The following TTN variants were observed in gnomAD, a reference collection of about 807,000 sequenced individuals.
TTN encodes titin.
In TTN, 1,525 loss-of-function variants were observed where a neutral mutation model predicts 3,223.0. That is an observed-to-expected ratio of 0.47 (90% CI 0.45 to 0.49). The LOEUF is 0.49. Among genes scored for constraint, TTN ranks in the 20% least tolerant of loss-of-function variants. The pLI, the probability that TTN is intolerant of heterozygous loss-of-function variation, is 0.00. For synonymous variants in TTN, 14,094 were observed against 15,161.0 expected, an observed-to-expected ratio of 0.93 and a Z score of 5.17; for missense variants, 40,786 against 43,424.0, an observed-to-expected ratio of 0.94 and a Z score of 5.40.
rs780403765 is a variant in TTN, at chr2:178,570,292, C to A, written c.75840G>T (p.Met25280Ile). 1.3e-5 allele frequency: 21 copies of A among 1,613,332 alleles called. No individual in the cohort carries two copies. Among genetic ancestry groups the A allele is most frequent in the Non-Finnish European group, 1.8e-5 (21 of 1,179,600 alleles). ...LEGNEYTFRI[M>I]AVNKYGVGEP... ...CACCAACACCATATTTGTTTACTGC[C>A]ATTATACGGAAAGTATATTCATTGC... Residue 25280 changes from methionine to isoleucine, a missense_variant, in exon 326 of 363, where the codon ATG becomes ATT. Coordinates refer to ENST00000589042, the MANE Select transcript of TTN (RefSeq NM_001267550.2).
At position 178,590,604 on chromosome 2, in the gene TTN, G is replaced by A. The variant is rs372969669; in HGVS notation, c.61121C>T (p.Pro20374Leu). Residue 20374 changes from proline to leucine, a missense_variant, in exon 304 of 363, where the codon CCA becomes CTA. Pro to Leu is a moderately conservative substitution (Grantham distance 98). Transcript: ENST00000589042. Reference sequence around the variant, plus strand: ...GTCTTTCAGTTTAGGATTAATAGGTGGTCCAGGTGGTTTGATGGGCCGGCA... The same window carrying A: ...GTCTTTCAGTTTAGGATTAATAGGTAGTCCAGGTGGTTTGATGGGCCGGCA... ...KACRPIKPPG[P>L]PINPKLKDKS... 2 of 1,612,744 alleles carry A rather than the reference G, an allele frequency of 1.2e-6. No homozygotes were observed. The highest frequency in any genetic ancestry group is 2.7e-5 in the African/African-American group (2 of 74,840).
intron 317 of TTN, 46 bp from the exon 318 acceptor site, chr2:178,580,275 A>G (rs778388381): frequency 3.1e-6 from 5 of 1,605,178 alleles, no homozygotes; most frequent in South Asian, 1.1e-5. Flanking sequence ...TAAAAAATAC[A>G]TAAGCTATTT....
rs1233328652 is a variant in TTN, at chr2:178,764,296, T to A, written c.9995A>T (p.Glu3332Val). 6.2e-7 allele frequency: 1 copy of A among 1,613,840 alleles called. No homozygotes were observed. Among genetic ancestry groups the A allele is most frequent in the African/African-American group, 1.3e-5 (1 of 74,914 alleles). The change falls in exon 43 of 363, where the codon GAA (glutamate) becomes GTA (valine). Residue 3332 changes from glutamate to valine, a missense_variant. Transcript: ENST00000589042. The stretch of plus-strand genomic sequence containing the variant: ...CATTTCCTGATCAGGAGACACAACT[T>A]CTGGAACTAAAGAAAGAAACCACAA... Reference protein sequence around the residue: ...TSASLSVEVPEVVSPDQEMPV... With the variant: ...TSASLSVEVPVVVSPDQEMPV...
intron 102 of TTN, among the ~76,000 whole-genome samples, chr2:178,705,983 A>G (rs1320058743): frequency 2.0e-5 from 3 of 152,218 alleles, no homozygotes; most frequent in Non-Finnish European, 4.4e-5. Flanking sequence ...TTTCTCTTAA[A>G]TTCGGAAATT....
chr2:178,560,239 A>G lies in TTN; in HGVS notation c.85893T>C (p.Ala28631=). The part of the protein sequence containing the change: ...YEYRVYAENA[A]GLSLPSETSP... The stretch of plus-strand genomic sequence containing the variant: ...AGGTTTCACTTGGAAGACTTAGGCC[A>G]GCAGCATTTTCTGCATAAACACGAT... The change falls in exon 326 of 363, where the codon GCT becomes GCC. Residue 28631 remains alanine, a synonymous_variant. Coordinates refer to ENST00000589042, the MANE Select transcript of TTN (RefSeq NM_001267550.2). The G allele has an allele frequency of 1.9e-6, 3 of 1,613,814 alleles. No homozygotes were observed. Among genetic ancestry groups the G allele is most frequent in the Non-Finnish European group, 2.5e-6 (3 of 1,179,798 alleles).
Position 178,717,828 on chromosome 2 carries a change from A to ATAATCC in TTN, c.25064-24_25064-19dup. ...TTTGCGCGCTGTAAAGAAGTTACAG[A>ATAATCC]TAATCCTTATTTACAGGTGAGAAGG... On this transcript the variant is annotated intron_variant, in intron 86 of 362. Transcript: ENST00000589042. The ATAATCC allele has an allele frequency of 6.3e-7, 1 of 1,588,162 alleles. No individual in the cohort carries two copies. Among genetic ancestry groups the ATAATCC allele is most frequent in the Non-Finnish European group, 8.6e-7 (1 of 1,168,126 alleles).
Position 178,614,291 on chromosome 2 carries a change from A to G in TTN, c.49106T>C (p.Leu16369Pro). ...DITDVTNESC[L>P]LTWNPPRDDG... ...ATCGCGTGGTGGGTTCCATGTTAGA[A>G]GACATGACTCATTGGTTACATCTGT... The change falls in exon 262 of 363, where the codon CTT (leucine) becomes CCT (proline). Residue 16369 changes from leucine (L) to proline (P), a missense_variant. Coordinates refer to ENST00000589042, the MANE Select transcript of TTN (RefSeq NM_001267550.2). The G allele has an allele frequency of 6.2e-7, 1 of 1,612,800 alleles. No individual in the cohort carries two copies. The highest frequency in any genetic ancestry group is 8.5e-7 in the Non-Finnish European group (1 of 1,179,270).
chr2:178,763,509 C>G (rs1235964600), intron 43 of TTN, among the ~76,000 whole-genome samples: 1 of 152,138 alleles, frequency 6.6e-6, no homozygotes, highest in African/African-American at 2.4e-5. Context: ...TTTCATAGAG[C>G]TTACCTTCTA....
chr2:178,651,448 T>C lies in TTN; in HGVS notation c.39547+5A>G, dbSNP rs751566884. 1.9e-6 allele frequency: 3 copies of C among 1,609,396 alleles called. No homozygotes were observed. The highest frequency in any genetic ancestry group is 1.7e-5 in the Admixed American group (1 of 58,848). On this transcript the variant is annotated splice_donor_5th_base_variant and intron_variant, in intron 207 of 362. Transcript: ENST00000589042. Reference sequence around the variant, plus strand: ...CCCCATCAAACAGTGGACAGCCACATATACCTTTAGCAGGTGGGGCTTCTG... The same window carrying C: ...CCCCATCAAACAGTGGACAGCCACACATACCTTTAGCAGGTGGGGCTTCTG...
At position 178,652,117 on chromosome 2, in the gene TTN, G is replaced by A. The variant is rs794729421; in HGVS notation, c.39274C>T (p.Pro13092Ser). 2 of 1,612,908 alleles carry A rather than the reference G, an allele frequency of 1.2e-6. No individual in the cohort carries two copies. The highest frequency in any genetic ancestry group is 8.5e-7 in the Non-Finnish European group (1 of 1,179,696). The change falls in exon 204 of 363, where the codon CCG (proline) becomes TCG (serine). Residue 13092 changes from proline (P) to serine (S), a missense_variant. Pro to Ser is a moderately conservative substitution (Grantham distance 74, BLOSUM62 -1). Transcript: ENST00000589042. The part of the protein sequence containing the change: ...KKVPEAIPPK[P>S]ESPPPEVFEE... The stretch of plus-strand genomic sequence containing the variant: ...TTACCTTCAGGGGGAGGACTTTCCG[G>A]TTTGGGAGGAATAGCTTCAGGCACC...
Position 178,639,745 on chromosome 2 carries a change from G to T in TTN, c.40830C>A (p.Thr13610=). 1 of 1,609,314 alleles carries T rather than the reference G, an allele frequency of 6.2e-7. No homozygotes were observed. Among genetic ancestry groups the T allele is most frequent in the Non-Finnish European group, 8.5e-7 (1 of 1,177,822 alleles). Reference sequence around the variant, plus strand: ...GCACTGTTACTGGGGCAGCGATGGGGGTTGGTTCAGGTTCCACAGGAGGTG... The same window carrying T: ...GCACTGTTACTGGGGCAGCGATGGGTGTTGGTTCAGGTTCCACAGGAGGTG... ...IKPPPVEPEP[T]PIAAPVTVPV... Residue 13610 remains threonine (T), a synonymous_variant, in exon 223 of 363, where the codon ACC becomes ACA. Transcript: ENST00000589042.
intron 336 of TTN, 188 bp from the exon 337 acceptor site, chr2:178,550,461 T>C (rs1413459485): frequency 1.8e-6 from 1 of 556,500 alleles, no homozygotes; most frequent in African/African-American, 1.9e-5. Context: ...ATTTGCCTAT[T>C]ATTATTCCCT....
intron 330 of TTN, chr2:178,556,625 A>G (rs1445218431): frequency 5.3e-6 from 3 of 568,502 alleles, no homozygotes; most frequent in Admixed American, 3.3e-5. Flanking sequence ...GGAAAGGCCC[A>G]TAGATATCCT....
At chr2:178,680,956 T>C in intron 138 of TTN, 123 bp downstream of exon 138, 2 of 877,076 alleles carry the variant, frequency 2.3e-6, no homozygotes, top group Non-Finnish European at 3.4e-6. Flanking sequence ...CATTTTTACA[T>C]CCAACATTCT....
At position 178,624,623 on chromosome 2, in the gene TTN, A is replaced by T. The variant is rs2058759633; in HGVS notation, c.44657T>A (p.Phe14886Tyr). The change falls in exon 242 of 363, where the codon TTC becomes TAC. Residue 14886 changes from phenylalanine (F) to tyrosine (Y), a missense_variant. Transcript: ENST00000589042. ...TTTGAGGATTTCTGTCCCATTTTTG[A>T]ACCATTTCACCTTAGCATTTTCTCT... ...VSRENAKVKW[F>Y]KNGTEILKSK... is the part of the protein sequence containing the mutation. The T allele has an allele frequency of 8.1e-6, 13 of 1,612,616 alleles. No individual in the cohort carries two copies. The highest frequency in any genetic ancestry group is 1.1e-5 in the Non-Finnish European group (13 of 1,179,156).
In TTN at chr2:178,702,196, G is replaced by A; in HGVS notation, c.30483C>T (p.Ser10161=). ...ARLEPRGEAR[S]TAELYLTTKE... ...TCGTCGTTAGGTACAGCTCTGCCGTGCTTCTTGCTTCACCTCTTGGCTCCA... is the reference window on the plus strand; with the variant it reads ...TCGTCGTTAGGTACAGCTCTGCCGTACTTCTTGCTTCACCTCTTGGCTCCA... The change falls in exon 108 of 363, where the codon AGC becomes AGT. Residue 10161 remains serine, a synonymous_variant. Transcript: ENST00000589042. 6.2e-7 allele frequency: 1 copy of A among 1,613,930 alleles called. No homozygotes were observed. The highest frequency in any genetic ancestry group is 8.5e-7 in the Non-Finnish European group (1 of 1,179,882).
At chr2:178,764,430 T>G (rs1253721635) in intron 42 of TTN, 97 bp downstream of exon 42, 14 of 1,611,118 alleles carry the variant, frequency 8.7e-6, no homozygotes, top group Non-Finnish European at 1.2e-5. Context: ...CAATCTACTT[T>G]TATGAGCTCC....
intron 47 of TTN, chr2:178,750,934 A>G: frequency 1.2e-6 from 2 of 1,612,946 alleles, no homozygotes; most frequent in Non-Finnish European, 1.7e-6. Flanking sequence ...CACCATATAA[A>G]TGGTCTTTTG....
Position 178,593,302 on chromosome 2 carries a change from A to G in TTN, c.58906T>C (p.Tyr19636His). 1 of 1,613,412 alleles carries G rather than the reference A, an allele frequency of 6.2e-7. No homozygotes were observed. Among genetic ancestry groups the G allele is most frequent in the Non-Finnish European group, 8.5e-7 (1 of 1,179,554 alleles). Residue 19636 changes from tyrosine (Y) to histidine (H), a missense_variant, in exon 299 of 363, where the codon TAC (tyrosine) becomes CAC (histidine). Transcript: ENST00000589042. ...AGATCAGGAACCCTAAATTTAGTGT[A>G]TGGATGAATAGGATCTTTGGTAACT... ...ARVTKDPIHP[Y>H]TKFRVPDLLE...
Sources: gnomAD v4.1 joint callset for allele counts (sites outside exome capture counted in the v4.1 genomes callset) on GRCh38, gnomAD v4.1.1 for gene constraint, MANE v1.5 for transcripts, NCBI Gene and HGNC (gene_info 2026-07-23, HGNC 2026-07-21) for gene names.